Variants in SMG6 observed in about 807,000 individuals in gnomAD.
SMG6 encodes the protein SMG6 nonsense mediated mRNA decay factor, also known as telomerase-binding protein EST1A.
A neutral mutation model predicts 142.2 loss-of-function variants in SMG6; 66 were observed. The ratio of observed to expected loss-of-function variants is 0.46; its 90% confidence interval spans 0.38 to 0.57. The LOEUF is 0.57. SMG6 is among the 20% of genes least tolerant of loss of function. The pLI is 0.00. For missense variants in SMG6, 1,793 were observed against 1,832.0 expected, an observed-to-expected ratio of 0.98 and a Z score of 0.39; for synonymous variants, 779 against 702.4, an observed-to-expected ratio of 1.11 and a Z score of -1.72.
intron 1 of SMG6, among the ~76,000 whole-genome samples, chr17:2,302,368 C>G (rs1255121021): frequency 6.6e-6 from 1 of 152,144 alleles, no homozygotes; most frequent in African/African-American, 2.4e-5. Context: ...CGGAGAAACC[C>G]CGTCACTACA....
intron 13 of SMG6, among the ~76,000 whole-genome samples, chr17:2,093,143 C>T (rs1489330854): frequency 6.7e-6 from 1 of 150,094 alleles, no homozygotes; most frequent in Non-Finnish European, 1.5e-5. Context: ...ACAGTGAGCT[C>T]AGATCGTTCT....
rs746715938 is a variant in SMG6 at position 2,160,659 on chromosome 17, G to A, written c.3357+11999C>T. Among the ~76,000 whole-genome samples the A allele has an allele frequency of 2.9e-4, 44 of 152,052 alleles. No homozygotes were observed. In the South Asian group the frequency reaches 7.3e-3, roughly 25 times the overall value. On this transcript the variant is annotated intron_variant, in intron 13 of 18. Transcript: ENST00000263073. ...AGCCCAGGCAACATAGTGGGACCCC[G>A]TTTCCACAAAAAATTTAAAAATTAG...
intron 13 of SMG6, among the ~76,000 whole-genome samples, chr17:2,165,829 C>G (rs559468826): frequency 1.3e-5 from 2 of 152,174 alleles, no homozygotes; most frequent in Admixed American, 6.5e-5. Context: ...CGCTTTAACC[C>G]AGGAGGTCGA....
chr17:2,127,010 G>A (rs191818198), intron 13 of SMG6, among the ~76,000 whole-genome samples: 128 of 152,008 alleles, frequency 8.4e-4, no homozygotes, highest in Admixed American at 3.1e-3. Context: ...GTGGTGGTAC[G>A]TGCTTGTGGT....
At chr17:2,066,255 T>C (rs73296338) in intron 16 of SMG6, among the ~76,000 whole-genome samples, 3,850 of 152,158 alleles carry the variant, frequency 0.025, 161 homozygotes, top group African/African-American at 0.087. Flanking sequence ...CGTGTGTGTG[T>C]GCGCGCACGT....
intron 13 of SMG6, among the ~76,000 whole-genome samples, chr17:2,102,530 T>TC (rs1380386726): frequency 7.7e-6 from 1 of 130,570 alleles, no homozygotes; most frequent in African/African-American, 3.1e-5. Flanking sequence ...CTAATTTCAT[T>TC]TTTTTTTTTT....
chr17:2,061,464 A>ACG lies in SMG6; in HGVS notation c.*26_*27dup. 1 of 1,240,032 alleles carries ACG rather than the reference A, an allele frequency of 8.1e-7. No homozygotes were observed. The highest frequency in any genetic ancestry group is 1.1e-6 in the Non-Finnish European group (1 of 925,226). 76.8% of individuals were successfully genotyped at this position (1,240,032 alleles called of 1,614,324 possible). A position where few individuals can be genotyped will look rare whatever the true frequency, so the allele number is the denominator to read the frequency against. ...CTGGTGGCCTTTCAGGAACGGTTCCACGGGGGGGGGGCCCCAGTGTGGCTC... is the reference window on the plus strand; with the variant it reads ...CTGGTGGCCTTTCAGGAACGGTTCCACGCGGGGGGGGGGCCCCAGTGTGGCTC... On this transcript the variant is annotated 3_prime_UTR_variant, in exon 19 of 19. Transcript: ENST00000263073.
intron 6 of SMG6, among the ~76,000 whole-genome samples, chr17:2,291,011 T>C (rs1337588118): frequency 1.3e-5 from 2 of 152,064 alleles, no homozygotes; most frequent in African/African-American, 4.8e-5. Flanking sequence ...AGCGTAAGTA[T>C]CAGGTCTCCT....
At chr17:2,238,134 G>A (rs1390850043) in intron 9 of SMG6, among the ~76,000 whole-genome samples, 1 of 152,204 alleles carries the variant, frequency 6.6e-6, no homozygotes, top group Non-Finnish European at 1.5e-5. Flanking sequence ...AGGTTTTCTA[G>A]AATCTTGGCA....
At chr17:2,128,650 C>A (rs949583799) in intron 13 of SMG6, among the ~76,000 whole-genome samples, 2 of 151,770 alleles carry the variant, frequency 1.3e-5, no homozygotes, top group African/African-American at 2.4e-5. Context: ...GTGGTGAAAC[C>A]CCGTCTCTAC....
rs1200852775 is a variant in SMG6 at position 2,061,573 on chromosome 17, C to T, written c.4179G>A (p.Arg1393=). 1 of 1,572,522 alleles carries T rather than the reference C, an allele frequency of 6.4e-7. No homozygotes were observed. The highest frequency in any genetic ancestry group is 8.6e-7 in the Non-Finnish European group (1 of 1,158,644). The change falls in exon 19 of 19, where the codon CGG becomes CGA. Residue 1393 remains arginine, a synonymous_variant. Transcript: ENST00000263073. The part of the protein sequence containing the change: ...LREVVLLTDD[R]NLRVKALTRN... ...TTGTGAGCGCCTTCACACGCAGGTTCCGGTCATCCGTCAACAGCACCACCT... is the reference window on the plus strand; with the variant it reads ...TTGTGAGCGCCTTCACACGCAGGTTTCGGTCATCCGTCAACAGCACCACCT...
At chr17:2,228,431 C>A (rs922057628) in intron 10 of SMG6, among the ~76,000 whole-genome samples, 4 of 152,010 alleles carry the variant, frequency 2.6e-5, no homozygotes, top group Admixed American at 2.6e-4. Context: ...GTTTCACCAT[C>A]TTGGCCAGGC....
intron 13 of SMG6, among the ~76,000 whole-genome samples, chr17:2,091,854 G>GT (rs1425015251): frequency 1.2e-4 from 14 of 116,632 alleles, no homozygotes; most frequent in Non-Finnish European, 1.3e-4. Flanking sequence ...GTGTGTGTGT[G>GT]TTTTTTTTTA....
At chr17:2,062,523 T>C (rs2067813653) in intron 18 of SMG6, 2 of 151,294 alleles carry the variant, frequency 1.3e-5, no homozygotes. Context: ...TTAAGCACAG[T>C]CTCTCCACTA....
intron 6 of SMG6, among the ~76,000 whole-genome samples, chr17:2,288,703 C>T (rs1414650035): frequency 1.3e-5 from 2 of 150,930 alleles, no homozygotes; most frequent in African/African-American, 4.9e-5. Flanking sequence ...CTGAGGTGGG[C>T]AGATCACTTA....
intron 12 of SMG6, among the ~76,000 whole-genome samples, chr17:2,174,909 C>A (rs1391611588): frequency 6.6e-6 from 1 of 152,206 alleles, no homozygotes; most frequent in Non-Finnish European, 1.5e-5. Context: ...TTAAAAGGAA[C>A]TGAACTTTCC....
chr17:2,278,925 C>T (rs957874585), intron 8 of SMG6, among the ~76,000 whole-genome samples: 2 of 152,180 alleles, frequency 1.3e-5, no homozygotes, highest in African/African-American at 4.8e-5. Context: ...CGCTGCCCTT[C>T]CCCTCATTCG....
At chr17:2,086,236 T>A (rs958249725) in intron 13 of SMG6, among the ~76,000 whole-genome samples, 1 of 152,196 alleles carries the variant, frequency 6.6e-6, no homozygotes, top group Non-Finnish European at 1.5e-5. Context: ...CTAAGTTTGG[T>A]CTAGAACCAG....
chr17:2,272,911 CAGAG>C (rs2074569433), intron 8 of SMG6, among the ~76,000 whole-genome samples: 1 of 150,502 alleles, frequency 6.6e-6, no homozygotes, highest in Non-Finnish European at 1.5e-5. Flanking sequence ...GCATGGGGGA[CAGAG>C]AGAAACTCTG....
Sources: gnomAD v4.1 joint callset for allele counts (sites outside exome capture counted in the v4.1 genomes callset) on GRCh38, gnomAD v4.1.1 for gene constraint, MANE v1.5 for transcripts, NCBI Gene and HGNC (gene_info 2026-07-23, HGNC 2026-07-21) for gene names.